The following ADAMTS7 variants were observed in gnomAD, a reference collection of about 807,000 sequenced individuals.
ADAMTS7 encodes the protein ADAM metallopeptidase with thrombospondin type 1 motif 7.
Under a neutral mutation model 172.6 loss-of-function variants are expected in ADAMTS7, and 89 were observed. The observed-to-expected ratio is 0.52, with a 90% CI of 0.43 to 0.61. ADAMTS7 has a LOEUF of 0.61. ADAMTS7 is among the 20% of genes least tolerant of loss of function. The pLI is 0.00. For synonymous variants in ADAMTS7, 885 were observed against 978.4 expected, an observed-to-expected ratio of 0.90 and a Z score of 1.78; for missense variants, 1,973 against 2,355.6, an observed-to-expected ratio of 0.84 and a Z score of 3.36.
intron 7 of ADAMTS7, among the ~76,000 whole-genome samples, chr15:78,789,180 A>T (rs1567230591): frequency 6.6e-6 from 1 of 152,216 alleles, no homozygotes; most frequent in South Asian, 2.1e-4. Context: ...CCAGCTCAAC[A>T]GCCAGGGCAC....
chr15:78,783,826 C>T (rs2055465312), intron 8 of ADAMTS7, among the ~76,000 whole-genome samples: 1 of 152,034 alleles, frequency 6.6e-6, no homozygotes. Flanking sequence ...AGAGGAAATG[C>T]TCTTTGGAGC....
chr15:78,765,081 T>C (rs1439125148), intron 19 of ADAMTS7: 1 of 226,626 alleles, frequency 4.4e-6, no homozygotes, highest in East Asian at 1.0e-4. Flanking sequence ...GCCAAATCGC[T>C]GGGTATCCCT....
intron 9 of ADAMTS7, 167 bp downstream of exon 9, chr15:78,777,277 C>T (rs903644218): frequency 2.0e-6 from 2 of 1,001,002 alleles, no homozygotes; most frequent in African/African-American, 3.3e-5. Context: ...GGCCGCCCAT[C>T]CCTGGCCTCT....
chr15:78,790,996 G>T, intron 5 of ADAMTS7, 144 bp downstream of exon 5: 1 of 1,227,202 alleles, frequency 8.1e-7, no homozygotes, highest in Non-Finnish European at 1.1e-6. Context: ...GGTCAGTCAG[G>T]AACCAGGGGG....
chr15:78,800,400 T>G lies in ADAMTS7; in HGVS notation c.248A>C (p.Glu83Ala), dbSNP rs2055706826. Residue 83 changes from glutamate to alanine, a missense_variant, in exon 2 of 24, where the codon GAG (glutamate) becomes GCG (alanine). Around this residue, in one of 8 missense-constraint regions of ADAMTS7, gnomAD observed 306 missense variants for 288.0 expected, o/e 1.06. Coordinates refer to ENST00000388820, the MANE Select transcript of ADAMTS7 (RefSeq NM_014272.5). The stretch of plus-strand genomic sequence containing the variant: ...CAGCTCGCGCCCGCGGTATTGTAGC[T>G]CGTAGAAGGCGGGCGCGTCTCGGCG... ...SVRRDAPAFY[E>A]LQYRGRELRF... 2 of 1,608,954 alleles carry G rather than the reference T, an allele frequency of 1.2e-6. No homozygotes were observed. The highest frequency in any genetic ancestry group is 1.7e-6 in the Non-Finnish European group (2 of 1,178,042).
At chr15:78,806,128 A>ACACACACACACAC (rs1491145070) in intron 1 of ADAMTS7, among the ~76,000 whole-genome samples, 10 of 19,310 alleles carry the variant, frequency 5.2e-4, no homozygotes, top group African/African-American at 1.4e-3. Context: ...ACACACACAC[A>ACACACACACACAC]AAAAAAAAAA....
At chr15:78,801,036 C>T (rs946215353) in intron 1 of ADAMTS7, among the ~76,000 whole-genome samples, 1 of 152,240 alleles carries the variant, frequency 6.6e-6, no homozygotes, top group Non-Finnish European at 1.5e-5. Flanking sequence ...CCACTGCGCC[C>T]GGCCTGGATT....
intron 10 of ADAMTS7, 56 bp from the exon 11 acceptor site, chr15:78,776,389 C>A: frequency 6.3e-7 from 1 of 1,575,702 alleles, no homozygotes; most frequent in Non-Finnish European, 8.6e-7. Flanking sequence ...CAGTCATCCT[C>A]ACCCTAGTGA....
intron 8 of ADAMTS7, among the ~76,000 whole-genome samples, chr15:78,786,988 T>G (rs1193133791): frequency 6.6e-6 from 1 of 152,190 alleles, no homozygotes; most frequent in African/African-American, 2.4e-5. Flanking sequence ...TAATGAGCAG[T>G]GAACATATTT....
chr15:78,770,657 G>T, intron 16 of ADAMTS7: 1 of 152,182 alleles, frequency 6.6e-6, no homozygotes. Context: ...AGGGGTATGG[G>T]GGAGACTGAG....
At chr15:78,777,828 A>G (rs1401396276) in intron 8 of ADAMTS7, among the ~76,000 whole-genome samples, 2 of 151,904 alleles carry the variant, frequency 1.3e-5, no homozygotes, top group Admixed American at 6.6e-5. Context: ...CCCAACCCCA[A>G]TCCCAGGCCT....
Position 78,764,634 on chromosome 15 carries a change from G to C in ADAMTS7, c.4340C>G (p.Ala1447Gly), listed in dbSNP as rs1469421017. ...GGCAGGCTGGGGCCGGCCAGCGGGG[G>C]CGCAGTCCTCATCCCGGCCGGAGCT... ...RCSSGRDEDC[A>G]PAGRPQPARR... Residue 1447 changes from alanine to glycine, a missense_variant, in exon 20 of 24, where the codon GCC becomes GGC. Coordinates refer to ENST00000388820, the MANE Select transcript of ADAMTS7 (RefSeq NM_014272.5). The C allele has an allele frequency of 1.5e-5, 24 of 1,561,244 alleles. No individual in the cohort carries two copies. The highest frequency in any genetic ancestry group is 2.1e-5 in the Non-Finnish European group (24 of 1,162,198).
rs1279570615 is a variant in ADAMTS7 at position 78,811,306 on chromosome 15, C to A, written c.-86G>T. 8.3e-7 allele frequency: 1 copy of A among 1,211,754 alleles called. No homozygotes were observed. The highest frequency in any genetic ancestry group is 1.6e-5 in the African/African-American group (1 of 63,522). The allele number at this position is 1,211,754 out of a possible 1,614,324, so 75.1% of individuals were successfully genotyped here. Reference sequence around the variant, plus strand: ...TCGCTGCCTGGTCCCAGGTCCGGCTCAGGACATGCCCGGCCGGCGTGCAGC... The same window carrying A: ...TCGCTGCCTGGTCCCAGGTCCGGCTAAGGACATGCCCGGCCGGCGTGCAGC... On this transcript the variant is annotated 5_prime_UTR_variant, in exon 1 of 24. The change abolishes the stop of an existing upstream ORF in the 5' untranslated region. Transcript: ENST00000388820.
At chr15:78,777,079 C>A in intron 9 of ADAMTS7, 1 of 571,858 alleles carries the variant, frequency 1.7e-6, no homozygotes. Flanking sequence ...ACACCTCTCC[C>A]GGCCCAGCCC....
chr15:78,763,324 T>C (rs978793318), intron 22 of ADAMTS7, among the ~76,000 whole-genome samples: 1 of 152,234 alleles, frequency 6.6e-6, no homozygotes, highest in Non-Finnish European at 1.5e-5. Flanking sequence ...CCTGCCCATC[T>C]GAGGCCCCTC....
chr15:78,777,560 G>A lies in ADAMTS7; in HGVS notation c.1351C>T (p.Pro451Ser). ...AAGTCGATAATGTCCTTGGCAGGAG[G>A]GTCGTCCAGGCACAGGCCCCACCCA... is the stretch of plus-strand genomic sequence containing the variant. ...DRGWGLCLDD[P>S]PAKDIIDFPS... Residue 451 changes from proline to serine, a missense_variant, in exon 9 of 24, where the codon CCT becomes TCT. Around this residue, in one of 8 missense-constraint regions of ADAMTS7, gnomAD observed 526 missense variants for 662.9 expected, o/e 0.79. Coordinates refer to ENST00000388820, the MANE Select transcript of ADAMTS7 (RefSeq NM_014272.5). 6.2e-7 allele frequency: 1 copy of A among 1,607,400 alleles called. No homozygotes were observed. The highest frequency in any genetic ancestry group is 8.5e-7 in the Non-Finnish European group (1 of 1,177,178).
At chr15:78,774,374 G>C in intron 12 of ADAMTS7, 74 bp from the exon 13 acceptor site, 1 of 1,477,004 alleles carries the variant, frequency 6.8e-7, no homozygotes, top group Non-Finnish European at 9.0e-7. Context: ...AGACCCCTCC[G>C]TGACACACAT....
intron 23 of ADAMTS7, chr15:78,761,926 G>A (rs1367256117): frequency 3.0e-6 from 3 of 985,296 alleles, no homozygotes; most frequent in Non-Finnish European, 3.6e-6. Flanking sequence ...CTCATTAGCA[G>A]GACCCTGGAA....
Position 78,766,545 on chromosome 15 carries a change from C to A in ADAMTS7, c.3366G>T (p.Glu1122Asp), listed in dbSNP as rs776632497. The change falls in exon 19 of 24, where the codon GAG becomes GAT. Residue 1122 changes from glutamate (E) to aspartate (D), a missense_variant. This residue lies in a region of ADAMTS7 where 771 missense variants were observed against 952.6 expected (regional missense o/e 0.81). Transcript: ENST00000388820. The stretch of plus-strand genomic sequence containing the variant: ...TCGGGGACCAAGGTCCCAGTACCCC[C>A]TCCTCCTTGGCTGCAGGAGGCTCTG... ...PATEPPAAKE[E>D]GVLGPWSPSP... 2 of 1,578,360 alleles carry A rather than the reference C, an allele frequency of 1.3e-6. No individual in the cohort carries two copies. Among genetic ancestry groups the A allele is most frequent in the African/African-American group, 1.4e-5 (1 of 73,962 alleles).
Sources: gnomAD v4.1 joint callset for allele counts (sites outside exome capture counted in the v4.1 genomes callset) on GRCh38, gnomAD v4.1.1 for gene constraint, gnomAD v4.1.1 regional missense constraint, MANE v1.5 for transcripts, NCBI Gene and HGNC (gene_info 2026-07-23, HGNC 2026-07-21) for gene names.